Variants in ZNF462 observed in about 807,000 individuals in gnomAD.
The protein encoded by ZNF462 is zinc finger PBX1-interacting protein.
A neutral mutation model predicts 201.9 loss-of-function variants in ZNF462; 10 were observed. The ratio of observed to expected loss-of-function variants is 0.05; its 90% CI spans 0.03 to 0.08. The LOEUF is 0.08. Ranked by LOEUF, ZNF462 falls within the 10% of genes least tolerant of loss-of-function variation. The pLI is 1.00. For synonymous variants in ZNF462, 1,227 were observed against 1,193.3 expected, an observed-to-expected ratio of 1.03 and a Z score of -0.58; for missense variants, 2,523 against 3,168.3, an observed-to-expected ratio of 0.80 and a Z score of 4.89.
chr9:106,883,146 C>G lies in ZNF462; in HGVS notation c.-31+19791C>G, dbSNP rs987421506. Among the ~76,000 whole-genome samples the G allele has an allele frequency of 2.6e-5, 4 of 152,180 alleles. No homozygotes were observed. Among genetic ancestry groups the G allele is most frequent in the African/African-American group, 9.7e-5 (4 of 41,440 alleles). On this transcript the variant is annotated intron_variant, in intron 1 of 12. Transcript: ENST00000277225. The surrounding 1 kb of genome is among the most constrained non-coding windows in gnomAD (Gnocchi z 4.9). ...TGCAGTATTAAAGAAACCCATGGGT[C>G]CTGTTAGTCCCAACCTCACTGAAGG... is the stretch of plus-strand genomic sequence containing the variant.
rs142413859 is a variant in ZNF462, at chr9:106,947,020, T to G, written c.6427+7913T>G. ...ACAGAAAAATCCCAGTGGTGGTGAT[T>G]AAACAAAAATGGTGAAATAGCAAAT... On this transcript the variant is annotated intron_variant, in intron 7 of 12. Transcript: ENST00000277225. Among the ~76,000 whole-genome samples, 47 of 152,294 alleles carry G rather than the reference T, an allele frequency of 3.1e-4. 1 individual carries two copies. In the East Asian group the frequency reaches 8.1e-3, roughly 26 times the overall value.
intron 7 of ZNF462, among the ~76,000 whole-genome samples, chr9:106,967,441 T>G (rs1832126039): frequency 6.6e-6 from 1 of 151,978 alleles, no homozygotes; most frequent in Admixed American, 6.6e-5. Context: ...TTTCTCTAAG[T>G]TTTGGAGAAA....
At chr9:106,988,539 T>A (rs773371271) in intron 10 of ZNF462, among the ~76,000 whole-genome samples, 21 of 152,172 alleles carry the variant, frequency 1.4e-4, no homozygotes, top group Non-Finnish European at 2.6e-4. Context: ...TTGGTTCCAT[T>A]TGAACTTTAG....
At position 106,930,165 on chromosome 9, in the gene ZNF462, T is replaced by C. The variant is rs1830364773; in HGVS notation, c.5848-360T>C. 6.6e-6 allele frequency among the ~76,000 whole-genome samples: 1 copy of C among 152,122 alleles called. No homozygotes were observed. On this transcript the variant is annotated intron_variant, in intron 3 of 12. Coordinates refer to ENST00000277225, the MANE Select transcript of ZNF462 (RefSeq NM_021224.6). This position sits in a 1 kb window ranked among gnomAD's most constrained non-coding sequence, Gnocchi z 5.8. Reference sequence around the variant, plus strand: ...GTGTTTGCTACATGAACCTAACGTCTCCAGGAGTAGATTTTATTTTATCAA... The same window carrying C: ...GTGTTTGCTACATGAACCTAACGTCCCCAGGAGTAGATTTTATTTTATCAA...
In ZNF462 at chr9:106,923,338, C is replaced by G; in HGVS notation, c.-30-16C>G. ...AGTGCATTCCTTAAGATGTTTTGTT[C>G]TGACTTCTGCCACAGGTTCCTAATG... is the stretch of plus-strand genomic sequence containing the variant. On this transcript the variant is annotated splice_polypyrimidine_tract_variant and intron_variant, in intron 1 of 12. Transcript: ENST00000277225. This position sits in a 1 kb window ranked among gnomAD's most constrained non-coding sequence, Gnocchi z 5.6. 1 of 1,594,988 alleles carries G rather than the reference C, an allele frequency of 6.3e-7. No homozygotes were observed.
intron 7 of ZNF462, among the ~76,000 whole-genome samples, chr9:106,951,434 C>A (rs1018874133): frequency 1.3e-5 from 2 of 152,108 alleles, no homozygotes; most frequent in African/African-American, 4.8e-5. Context: ...TATTTATTAT[C>A]TTTTTCCAAA....
At position 106,924,315 on chromosome 9, in the gene ZNF462, G is replaced by A; in HGVS notation, c.403G>A (p.Ala135Thr). ...CACTAGAAAGGTCCATGGAGCTCAAGCTGAAGGGAGTTCATCAGGACCCCC... is the reference window on the plus strand; with the variant it reads ...CACTAGAAAGGTCCATGGAGCTCAAACTGAAGGGAGTTCATCAGGACCCCC... ...EHTRKVHGAQ[A>T]EGSSSGPPVP... is the part of the protein sequence containing the mutation. Residue 135 changes from alanine (A) to threonine (T), a missense_variant, in exon 3 of 13, where the codon GCT becomes ACT. Transcript: ENST00000277225. The surrounding 1 kb of genome is among the most constrained non-coding windows in gnomAD (Gnocchi z 6.2). 6.2e-7 allele frequency: 1 copy of A among 1,614,140 alleles called. No homozygotes were observed.
In ZNF462 at chr9:106,929,521, A is replaced by G; in HGVS notation, c.5609A>G (p.His1870Arg). Reference sequence around the variant, plus strand: ...CTGTGCATGCATTACACTGACCACCACAGTCGGGACCTAAAGAGGGACTTC... The same window carrying G: ...CTGTGCATGCATTACACTGACCACCGCAGTCGGGACCTAAAGAGGGACTTC... ...ELLCMHYTDHHSRDLKRDFII... is the reference protein window; with the variant it reads ...ELLCMHYTDHRSRDLKRDFII... The change falls in exon 3 of 13, where the codon CAC becomes CGC. Residue 1870 changes from histidine (H) to arginine (R), a missense_variant. Physicochemically the swap from His to Arg is conservative, Grantham distance 29. Around this residue, in one of 15 missense-constraint regions of ZNF462, gnomAD observed 207 missense variants for 231.6 expected, o/e 0.89. Coordinates refer to ENST00000277225, the MANE Select transcript of ZNF462 (RefSeq NM_021224.6). This position sits in a 1 kb window ranked among gnomAD's most constrained non-coding sequence, Gnocchi z 8.7. The G allele has an allele frequency of 6.2e-7, 1 of 1,614,134 alleles. No individual in the cohort carries two copies. The highest frequency in any genetic ancestry group is 8.5e-7 in the Non-Finnish European group (1 of 1,180,030).
At chr9:106,862,393 C>G (rs1191819940), upstream of ZNF462, among the ~76,000 whole-genome samples, 1 of 152,154 alleles carries the variant, frequency 6.6e-6, no homozygotes, top group East Asian at 1.9e-4. This position sits in a 1 kb window ranked among gnomAD's most constrained non-coding sequence, Gnocchi z 4.2. Flanking sequence ...AGGGTCCTCA[C>G]CGGGGGCTTC....
intron 1 of ZNF462, among the ~76,000 whole-genome samples, chr9:106,908,910 C>CATACATATAT (rs1554699359): frequency 9.1e-5 from 4 of 43,978 alleles, no homozygotes; most frequent in African/African-American, 4.4e-4. Flanking sequence ...CCCATATATA[C>CATACATATAT]ATATATATAT....
intron 7 of ZNF462, among the ~76,000 whole-genome samples, chr9:106,969,552 C>T (rs973904067): frequency 1.3e-5 from 2 of 152,118 alleles, no homozygotes; most frequent in African/African-American, 4.8e-5. Context: ...GGAGTGCATT[C>T]ATCTGGCTTA....
intron 10 of ZNF462, among the ~76,000 whole-genome samples, chr9:106,995,848 G>A (rs150399719): frequency 6.6e-6 from 1 of 152,184 alleles, no homozygotes; most frequent in East Asian, 1.9e-4. Flanking sequence ...TAAGTTCTAG[G>A]GTACATGTGC....
In ZNF462 at chr9:106,902,734, T is replaced by G. The variant is rs1220945797; in HGVS notation, c.-30-20620T>G. On this transcript the variant is annotated intron_variant, in intron 1 of 12. Transcript: ENST00000277225. This position sits in a 1 kb window ranked among gnomAD's most constrained non-coding sequence, Gnocchi z 4.2. ...TAAAGATGTTCATAGTAACCTTGAA[T>G]GATCTTTTTGTATTTCTGTGGTATC... Among the ~76,000 whole-genome samples the G allele has an allele frequency of 6.6e-6, 1 of 152,166 alleles. No homozygotes were observed. The highest frequency in any genetic ancestry group is 6.5e-5 in the Admixed American group (1 of 15,272).
In ZNF462 at chr9:106,929,348, A is replaced by G; in HGVS notation, c.5436A>G (p.Ala1812=). 1 of 1,614,194 alleles carries G rather than the reference A, an allele frequency of 6.2e-7. No individual in the cohort carries two copies. The highest frequency in any genetic ancestry group is 8.5e-7 in the Non-Finnish European group (1 of 1,180,046). ...KLGGYFTAVY[A]DEHEKPTLME... ...GGGGCTACTTCACGGCCGTCTATGC[A>G]GATGAGCATGAGAAGCCCACACTGA... The change falls in exon 3 of 13, where the codon GCA becomes GCG. Residue 1812 remains alanine (A), a synonymous_variant. Transcript: ENST00000277225. The surrounding 1 kb of genome is among the most constrained non-coding windows in gnomAD (Gnocchi z 8.7).
At chr9:106,866,913 CTTT>C (rs892809921) in intron 1 of ZNF462, among the ~76,000 whole-genome samples, 2 of 152,036 alleles carry the variant, frequency 1.3e-5, no homozygotes, top group African/African-American at 2.4e-5. Flanking sequence ...TTCATGATAT[CTTT>C]TTTTATTGTT....
chr9:106,976,705 A>G (rs530799822), intron 9 of ZNF462: 2 of 152,348 alleles, frequency 1.3e-5, no homozygotes, highest in African/African-American at 4.8e-5. Flanking sequence ...AACAACATTA[A>G]CAATAATAAC....
intron 1 of ZNF462, among the ~76,000 whole-genome samples, chr9:106,891,382 A>C (rs1002094810): frequency 6.6e-6 from 1 of 152,166 alleles, no homozygotes; most frequent in Non-Finnish European, 1.5e-5. Context: ...GTTTAAAAAC[A>C]AGTGATTTTT....
rs1449383820 is a variant in ZNF462 at position 107,010,078 on chromosome 9, CG to C, written c.7313+414del. On this transcript the variant is annotated intron_variant, in intron 12 of 12. Transcript: ENST00000277225. This position sits in a 1 kb window ranked among gnomAD's most constrained non-coding sequence, Gnocchi z 4.6. ...CCCTGAACATTCCCATGTACTGCCTCGGGGACAGAGCCAGCTTCTGCCTGCC... is the reference window on the plus strand; with the variant it reads ...CCCTGAACATTCCCATGTACTGCCTCGGGACAGAGCCAGCTTCTGCCTGCC... Among the ~76,000 whole-genome samples the C allele has an allele frequency of 6.6e-6, 1 of 152,104 alleles. No individual in the cohort carries two copies. The highest frequency in any genetic ancestry group is 1.9e-4 in the East Asian group (1 of 5,186).
intron 1 of ZNF462, among the ~76,000 whole-genome samples, chr9:106,892,587 C>T (rs1828627215): frequency 6.6e-6 from 1 of 152,036 alleles, no homozygotes; most frequent in Non-Finnish European, 1.5e-5. Flanking sequence ...GAAAAGAAGA[C>T]AACTGCATCA....
Sources: gnomAD v4.1 joint callset for allele counts (sites outside exome capture counted in the v4.1 genomes callset) on GRCh38, gnomAD v4.1.1 for gene constraint, gnomAD v4.1.1 regional missense constraint, Gnocchi (gnomAD v3.1) non-coding constraint, MANE v1.5 for transcripts, NCBI Gene and HGNC (gene_info 2026-07-23, HGNC 2026-07-21) for gene names.